CNOT6: variants seen among roughly 807,000 people sequenced by gnomAD.
The protein encoded by CNOT6 is carbon catabolite repression 4 protein.
Under a neutral mutation model 61.2 loss-of-function variants are expected in CNOT6, and 12 were observed. The observed-to-expected ratio is 0.20, with a 90% CI of 0.13 to 0.32. CNOT6 has a LOEUF of 0.32. Among genes scored for constraint, CNOT6 ranks in the 10% least tolerant of loss-of-function variants. The pLI, the probability that CNOT6 is intolerant of heterozygous loss-of-function variation, is 1.00. For synonymous variants in CNOT6, 225 were observed against 240.6 expected (o/e 0.94, Z 0.60); for missense variants, 405 against 663.9 (o/e 0.61, Z 4.28).
intron 1 of CNOT6, chr5:180,495,506 G>C: frequency 6.6e-6 from 1 of 152,290 alleles, no homozygotes; most frequent in Admixed American, 6.5e-5. Context: ...AACACCTGTG[G>C]CCTTCTGTTT....
rs1051157222 is a variant in CNOT6 at position 180,575,177 on chromosome 5, A to G, written c.*977A>G. The G allele has an allele frequency of 1.3e-5, 2 of 152,694 alleles. No individual in the cohort carries two copies. The highest frequency in any genetic ancestry group is 6.5e-5 in the Admixed American group (1 of 15,292). 9.5% of individuals were successfully genotyped at this position (152,694 alleles called of 1,614,324 possible). A position where few individuals can be genotyped will look rare whatever the true frequency, so the allele number is the denominator to read the frequency against. On this transcript the variant is annotated 3_prime_UTR_variant, in exon 12 of 12. Transcript: ENST00000261951. ...TGTTCTCACCAAGCACTGCCTGTGCATGCAGAGAAAATCTGTGCATCCTCT... is the reference window on the plus strand; with the variant it reads ...TGTTCTCACCAAGCACTGCCTGTGCGTGCAGAGAAAATCTGTGCATCCTCT...
intron 1 of CNOT6, among the ~76,000 whole-genome samples, chr5:180,500,086 CCTTTT>C (rs765691537): frequency 2.4e-4 from 35 of 144,266 alleles, no homozygotes; most frequent in South Asian, 4.6e-4. Context: ...AACAAATTCA[CCTTTT>C]CTTTTCTTTT....
rs772269362 is a variant in CNOT6, at chr5:180,575,836, CACTCTT to C, written c.*1640_*1645del. The C allele has an allele frequency of 5.1e-4, 78 of 152,202 alleles. No individual in the cohort carries two copies. Among genetic ancestry groups the C allele is most frequent in the Admixed American group, 7.2e-4 (11 of 15,268 alleles). The allele number at this position is 152,202 out of a possible 1,614,324, so 9.4% of individuals were successfully genotyped here. A position where few individuals can be genotyped will look rare whatever the true frequency, so the allele number is the denominator to read the frequency against. On this transcript the variant is annotated 3_prime_UTR_variant, in exon 12 of 12. Coordinates refer to ENST00000261951, the MANE Select transcript of CNOT6 (RefSeq NM_001370472.1). ...TGTGAGCATTAGGAAAAAAAATACT[CACTCTT>C]ACTAACAATTTTTATACAGAAAATG...
In CNOT6 at chr5:180,578,299, T is replaced by TA. The variant is rs1761095902; in HGVS notation, c.*4099_*4100insA. ...ATATAAGGAATGGGCTCATGTGTCT[T>TA]CCGTCTTTTGGAAGGAGGTTGACAT... On this transcript the variant is annotated 3_prime_UTR_variant, in exon 12 of 12. Coordinates refer to ENST00000261951, the MANE Select transcript of CNOT6 (RefSeq NM_001370472.1). 1 of 152,666 alleles carries TA rather than the reference T, an allele frequency of 6.6e-6. No individual in the cohort carries two copies. The highest frequency in any genetic ancestry group is 1.5e-5 in the Non-Finnish European group (1 of 68,048). The allele number at this position is 152,666 out of a possible 1,614,324, so 9.5% of individuals were successfully genotyped here.
intron 2 of CNOT6, among the ~76,000 whole-genome samples, chr5:180,537,626 T>C (rs1020586894): frequency 6.6e-6 from 1 of 152,206 alleles, no homozygotes; most frequent in Admixed American, 6.5e-5. Flanking sequence ...AATGGGACTT[T>C]GGGATTCTGT....
chr5:180,528,931 T>A (rs1218722125), intron 1 of CNOT6, among the ~76,000 whole-genome samples: 1 of 151,996 alleles, frequency 6.6e-6, no homozygotes, highest in Non-Finnish European at 1.5e-5. Context: ...AAGATGTGGG[T>A]CGGGCATGCT....
intron 2 of CNOT6, among the ~76,000 whole-genome samples, chr5:180,545,868 T>C (rs1209272448): frequency 6.6e-6 from 1 of 152,234 alleles, no homozygotes; most frequent in Non-Finnish European, 1.5e-5. Flanking sequence ...CTTCTGGGTA[T>C]GTAGTGCTAT....
intron 4 of CNOT6, among the ~76,000 whole-genome samples, chr5:180,561,425 C>G (rs1760182514): frequency 6.8e-6 from 1 of 147,930 alleles, no homozygotes; most frequent in Middle Eastern, 3.4e-3. Context: ...CTCATTGAAG[C>G]ATTTTTGTCA....
chr5:180,564,379 A>T, intron 4 of CNOT6, 110 bp from the exon 5 acceptor site: 1 of 605,990 alleles, frequency 1.7e-6, no homozygotes, highest in Non-Finnish European at 2.9e-6. Context: ...CTGACATCTT[A>T]CTAGTAACTA....
rs66503357 is a variant in CNOT6 at position 180,503,262 on chromosome 5, CTTTTTT to C, written c.-3+8511_-3+8516del. ...AGGTCTGACTCTAGTTTGTATTTTT[CTTTTTT>C]TTTTTTTTTTTGAGATGGAGTTTTC... is the stretch of plus-strand genomic sequence containing the variant. On this transcript the variant is annotated intron_variant, in intron 1 of 11. Transcript: ENST00000261951. 2.1e-3 allele frequency among the ~76,000 whole-genome samples: 276 copies of C among 133,824 alleles called. 1 individual carries two copies. Among genetic ancestry groups the C allele is most frequent in the Non-Finnish European group, 3.0e-3 (190 of 62,500 alleles). The allele number at this position is 133,824 out of a possible 152,430, so 87.8% of individuals were successfully genotyped here.
At chr5:180,505,893 A>G (rs1757115349) in intron 1 of CNOT6, among the ~76,000 whole-genome samples, 1 of 152,116 alleles carries the variant, frequency 6.6e-6, no homozygotes, top group Non-Finnish European at 1.5e-5. Context: ...CCGAGACGGT[A>G]GTGTTTTGAG....
At chr5:180,520,906 G>A (rs1230324356) in intron 1 of CNOT6, among the ~76,000 whole-genome samples, 8 of 150,618 alleles carry the variant, frequency 5.3e-5, no homozygotes, top group Non-Finnish European at 8.9e-5. Flanking sequence ...GTGCAGTGGC[G>A]CAACCTCAGC....
chr5:180,559,160 C>T (rs1034140906), intron 4 of CNOT6, among the ~76,000 whole-genome samples: 6 of 152,106 alleles, frequency 3.9e-5, no homozygotes, highest in African/African-American at 1.4e-4. Flanking sequence ...TCTGTTAGGT[C>T]GATGGTAGTG....
chr5:180,553,317 T>C, intron 3 of CNOT6, 69 bp from the exon 4 acceptor site: 1 of 1,013,460 alleles, frequency 9.9e-7, no homozygotes, highest in Non-Finnish European at 1.5e-6. Flanking sequence ...TCCTAGAAAC[T>C]ATGTTGTTGA....
chr5:180,535,670 C>T (rs984510152), intron 2 of CNOT6, among the ~76,000 whole-genome samples: 1 of 152,170 alleles, frequency 6.6e-6, no homozygotes, highest in African/African-American at 2.4e-5. Context: ...TGGGGATACC[C>T]AGTAGTGGGA....
At chr5:180,566,978 C>G in intron 7 of CNOT6, 110 bp from the exon 8 acceptor site, 1 of 1,059,660 alleles carries the variant, frequency 9.4e-7, no homozygotes, top group Non-Finnish European at 1.4e-6. Context: ...ATTCTTTAAT[C>G]TGCAGACCAG....
chr5:180,503,767 G>A (rs1561630130), intron 1 of CNOT6, among the ~76,000 whole-genome samples: 2 of 151,766 alleles, frequency 1.3e-5, no homozygotes, highest in Admixed American at 6.6e-5. Context: ...CACCACACCC[G>A]GCTAATTTTT....
At chr5:180,538,656 C>T (rs948630105) in intron 2 of CNOT6, among the ~76,000 whole-genome samples, 6 of 141,498 alleles carry the variant, frequency 4.2e-5, no homozygotes, top group Admixed American at 2.2e-4. Context: ...CCAGCCTGGG[C>T]GACAGAGCGA....
chr5:180,500,686 A>G (rs536945000), intron 1 of CNOT6, among the ~76,000 whole-genome samples: 1 of 152,328 alleles, frequency 6.6e-6, no homozygotes, highest in Non-Finnish European at 1.5e-5. Context: ...ACTCAGTTTC[A>G]AAAATACTTG....
Sources: allele counts gnomAD v4.1 joint callset (sites outside exome capture counted in the v4.1 genomes callset), GRCh38; gene constraint gnomAD v4.1.1; transcripts MANE v1.5; gene names NCBI Gene and HGNC (gene_info 2026-07-23, HGNC 2026-07-21).